Variants in AFG3L2 observed in about 807,000 individuals in gnomAD.
AFG3L2 encodes the protein AFG3 like matrix AAA peptidase subunit 2.
In AFG3L2, 54 loss-of-function variants were observed where a neutral mutation model predicts 94.5. The observed-to-expected ratio is 0.57, with a 90% CI of 0.46 to 0.72. The LOEUF is 0.72. AFG3L2 is among the 30% of genes least tolerant of loss of function. AFG3L2 has a pLI of 0.00. For synonymous variants in AFG3L2, 377 were observed against 365.5 expected (o/e 1.03, Z -0.36); for missense variants, 754 against 994.9 (o/e 0.76, Z 3.26).
In AFG3L2 at chr18:12,359,964, T is replaced by C. The variant is rs774733416; in HGVS notation, c.715A>G (p.Asn239Asp). Residue 239 changes from asparagine to aspartate, a missense_variant, in exon 7 of 17, where the codon AAT (asparagine) becomes GAT (aspartate). Transcript: ENST00000269143. ...GCAATGTAGACAACAGGCACCCGAT[T>C]TTCTCCTTCTATGCCCAATTCCTGC... ...LQQELGIEGE[N>D]RVPVVYIAES... 3.7e-6 allele frequency: 6 copies of C among 1,613,968 alleles called. No individual in the cohort carries two copies. The Admixed American group carries it at 5.0e-5, about 13-fold the overall frequency.
chr18:12,343,959 T>C, intron 14 of AFG3L2, 173 bp downstream of exon 14: 1 of 643,490 alleles, frequency 1.6e-6, no homozygotes, highest in Non-Finnish European at 2.7e-6. Flanking sequence ...GTCCAAATTT[T>C]ATATTTATCT....
chr18:12,367,429 C>T (rs372753768), intron 3 of AFG3L2, 47 bp from the exon 4 acceptor site: 816 of 1,571,434 alleles, frequency 5.2e-4, no homozygotes, highest in Non-Finnish European at 6.8e-4. Context: ...AAGGTTTTAG[C>T]TCTCTCAGCA....
chr18:12,329,924 A>G (rs1907464198), intron 16 of AFG3L2, 141 bp from the exon 17 acceptor site: 1 of 744,308 alleles, frequency 1.3e-6, no homozygotes, highest in Non-Finnish European at 2.2e-6. Context: ...AAGGTTGCAT[A>G]GTTTTAGAGT....
At chr18:12,373,639 G>A (rs928971976) in intron 1 of AFG3L2, among the ~76,000 whole-genome samples, 1 of 152,198 alleles carries the variant, frequency 6.6e-6, no homozygotes, top group Admixed American at 6.5e-5. Context: ...AGTTCTGCAA[G>A]AGGGGAAGTA....
At chr18:12,357,567 T>G (rs1023329089) in intron 8 of AFG3L2, among the ~76,000 whole-genome samples, 2 of 152,212 alleles carry the variant, frequency 1.3e-5, no homozygotes, top group East Asian at 3.8e-4. Context: ...AATGATGAAC[T>G]TAACTTCAAA....
At chr18:12,352,224 T>C (rs1271668332) in intron 10 of AFG3L2, among the ~76,000 whole-genome samples, 1 of 152,158 alleles carries the variant, frequency 6.6e-6, no homozygotes, top group Non-Finnish European at 1.5e-5. Flanking sequence ...CAGGAGCTCC[T>C]GGGTGAATTT....
At chr18:12,356,475 T>TTTAA (rs1269893980) in intron 9 of AFG3L2, among the ~76,000 whole-genome samples, 3 of 152,178 alleles carry the variant, frequency 2.0e-5, no homozygotes, top group African/African-American at 7.2e-5. Flanking sequence ...ATTGGTCTAC[T>TTTAA]ATAGGTAGCA....
intron 1 of AFG3L2, 44 bp from the exon 2 acceptor site, chr18:12,371,735 A>G (rs1908998594): frequency 6.6e-7 from 1 of 1,526,100 alleles, no homozygotes; most frequent in South Asian, 1.1e-5. Flanking sequence ...TATCAAGATA[A>G]AAAACTTAAA....
At chr18:12,344,343 T>C (rs1297273820) in intron 13 of AFG3L2, 96 bp from the exon 14 acceptor site, 16 of 1,054,948 alleles carry the variant, frequency 1.5e-5, no homozygotes, top group Non-Finnish European at 1.9e-5. Flanking sequence ...TTACCTAAAA[T>C]GGGGTTTGGA....
At chr18:12,335,955 A>C (rs962541524) in intron 16 of AFG3L2, among the ~76,000 whole-genome samples, 3 of 152,250 alleles carry the variant, frequency 2.0e-5, no homozygotes, top group Non-Finnish European at 4.4e-5. Context: ...TGAACAGCAT[A>C]ATCTTAGTGA....
rs747241831 is a variant in AFG3L2 at position 12,344,270 on chromosome 18, AC to A, written c.1664-24del. 23 of 1,589,086 alleles carry A rather than the reference AC, an allele frequency of 1.4e-5. No homozygotes were observed. In the South Asian group the frequency reaches 2.4e-4, roughly 17 times the overall value. On this transcript the variant is annotated intron_variant, in intron 13 of 16. Transcript: ENST00000269143. ...AGCCTAACAAAATAACAACAAAAAAACCCAAGCCATTGTTACAGTGACACTG... is the reference window on the plus strand; with the variant it reads ...AGCCTAACAAAATAACAACAAAAAAACCAAGCCATTGTTACAGTGACACTG...
At chr18:12,372,278 T>C (rs974565760) in intron 1 of AFG3L2, among the ~76,000 whole-genome samples, 35 of 152,204 alleles carry the variant, frequency 2.3e-4, no homozygotes, top group Admixed American at 3.3e-4. Flanking sequence ...CACTCCAGCC[T>C]GGGCGATGGA....
intron 1 of AFG3L2, among the ~76,000 whole-genome samples, chr18:12,376,592 T>A (rs1198299383): frequency 6.6e-6 from 1 of 152,226 alleles, no homozygotes; most frequent in Non-Finnish European, 1.5e-5. Context: ...AAACCCGTCC[T>A]TGCGACTACA....
At chr18:12,375,443 A>G (rs780645749) in intron 1 of AFG3L2, among the ~76,000 whole-genome samples, 1 of 150,048 alleles carries the variant, frequency 6.7e-6, no homozygotes, top group Non-Finnish European at 1.5e-5. Context: ...TGTAGAGGCC[A>G]GGAGCTGTGG....
chr18:12,340,342 T>C lies in AFG3L2; in HGVS notation c.1839A>G (p.Gln613=). The C allele has an allele frequency of 1.9e-6, 3 of 1,614,150 alleles. No homozygotes were observed. Among genetic ancestry groups the C allele is most frequent in the African/African-American group, 2.7e-5 (2 of 75,024 alleles). ...LGYAQYLPKE[Q]YLYTKEQLLD... ...AGAGCTGCTCTTTGGTATAGAGGTA[T>C]TGTTCTTTTGGTAAATACTGAGCAT... is the stretch of plus-strand genomic sequence containing the variant. Residue 613 remains glutamine (Q), a synonymous_variant, in exon 15 of 17, where the codon CAA becomes CAG. Coordinates refer to ENST00000269143, the MANE Select transcript of AFG3L2 (RefSeq NM_006796.3).
intron 10 of AFG3L2, among the ~76,000 whole-genome samples, chr18:12,351,938 AC>A (rs1207208286): frequency 6.6e-6 from 1 of 152,220 alleles, no homozygotes; most frequent in Non-Finnish European, 1.5e-5. Context: ...TAAAAGTTTT[AC>A]GAGTAAATTT....
rs1907435501 is a variant in AFG3L2 at position 12,329,292 on chromosome 18, C to T, written c.*273G>A. 1.3e-5 allele frequency: 9 copies of T among 694,754 alleles called. No individual in the cohort carries two copies. The highest frequency in any genetic ancestry group is 1.0e-4 in the Admixed American group (5 of 49,428). 43.0% of individuals were successfully genotyped at this position (694,754 alleles called of 1,614,324 possible). ...CACTTGGTGCCACAGGGTCCAGCCT[C>T]GGCCACTCTGGGCTCAACCTTTCCA... On this transcript the variant is annotated 3_prime_UTR_variant, in exon 17 of 17. Coordinates refer to ENST00000269143, the MANE Select transcript of AFG3L2 (RefSeq NM_006796.3).
chr18:12,333,563 C>T (rs1214260617), intron 16 of AFG3L2, among the ~76,000 whole-genome samples: 2 of 151,450 alleles, frequency 1.3e-5, no homozygotes, highest in Admixed American at 1.3e-4. Context: ...CAGGGTTTCA[C>T]CATGTTGCCC....
chr18:12,344,405 T>A (rs1248567017), intron 13 of AFG3L2, 158 bp from the exon 14 acceptor site: 1 of 669,902 alleles, frequency 1.5e-6, no homozygotes, highest in Non-Finnish European at 2.7e-6. Context: ...CCAGGCGCAG[T>A]GGCTCATGCC....
Sources: gnomAD v4.1 joint callset for allele counts (sites outside exome capture counted in the v4.1 genomes callset) on GRCh38, gnomAD v4.1.1 for gene constraint, MANE v1.5 for transcripts, NCBI Gene and HGNC (gene_info 2026-07-23, HGNC 2026-07-21) for gene names.